The following HNRNPH1 variants were observed in gnomAD, a reference collection of about 807,000 sequenced individuals.
HNRNPH1 encodes the protein heterogeneous nuclear ribonucleoprotein H1.
Under a neutral mutation model 58.6 loss-of-function variants are expected in HNRNPH1, and 4 were observed. That is an observed-to-expected ratio of 0.07 (90% CI 0.03 to 0.16). HNRNPH1 has a LOEUF of 0.16. HNRNPH1 is among the 10% of genes least tolerant of loss of function. HNRNPH1 has a pLI of 1.00. For synonymous variants in HNRNPH1, 192 were observed against 189.2 expected (o/e 1.01, Z -0.12); for missense variants, 271 against 564.2 (o/e 0.48, Z 5.26).
rs1403892046 is a variant in HNRNPH1, at chr5:179,620,887, C to A, written c.397+5G>T. On this transcript the variant is annotated splice_donor_5th_base_variant and intron_variant, in intron 3 of 12. Coordinates refer to ENST00000356731, the Ensembl canonical transcript of HNRNPH1. ...CACTGCTCAGCAACAAACATGACTA[C>A]ATACCTGAGAAGAACTGAACAATTT... 1 of 1,613,952 alleles carries A rather than the reference C, an allele frequency of 6.2e-7. No individual in the cohort carries two copies. Among genetic ancestry groups the A allele is most frequent in the Non-Finnish European group, 8.5e-7 (1 of 1,179,906 alleles).
chr5:179,631,956 A>C (rs1314977898), intron 2 of HNRNPH1, among the ~76,000 whole-genome samples: 1 of 152,082 alleles, frequency 6.6e-6, no homozygotes, highest in Non-Finnish European at 1.5e-5. Flanking sequence ...GATAAACAGC[A>C]TCGGCCGCCT....
intron 1 of HNRNPH1, chr5:179,621,631 A>C: frequency 1.8e-6 from 1 of 541,970 alleles, no homozygotes; most frequent in Non-Finnish European, 3.3e-6. Flanking sequence ...GCAGTTTCAG[A>C]ATGAATTTAT....
chr5:179,615,184 G>A (rs1482184274), intron 12 of HNRNPH1: 7 of 457,100 alleles, frequency 1.5e-5, no homozygotes, highest in Middle Eastern at 1.1e-3. Context: ...CCATTTTAAC[G>A]GATTCTTCAG....
intron 12 of HNRNPH1, chr5:179,615,202 A>G: frequency 4.5e-6 from 2 of 440,034 alleles, no homozygotes; most frequent in Non-Finnish European, 8.1e-6. Flanking sequence ...CAGGATCAAC[A>G]TGAAAAATTA....
In HNRNPH1 at chr5:179,618,079, T is replaced by A. The variant is rs566057819; in HGVS notation, c.716-19A>T. On this transcript the variant is annotated intron_variant, in intron 5 of 12. Transcript: ENST00000356731. The stretch of plus-strand genomic sequence containing the variant: ...CCATAGCCTGAAAGACAAAGTACAA[T>A]CAATCAAATAAAACACCTAGACAAA... 1.5e-5 allele frequency: 24 copies of A among 1,613,036 alleles called. No homozygotes were observed. Among genetic ancestry groups the A allele is most frequent in the Non-Finnish European group, 2.0e-5 (23 of 1,179,282 alleles).
At chr5:179,632,398 G>A (rs1356884176) in intron 2 of HNRNPH1, among the ~76,000 whole-genome samples, 1 of 152,240 alleles carries the variant, frequency 6.6e-6, no homozygotes, top group African/African-American at 2.4e-5. Flanking sequence ...CAGGCAGCAC[G>A]GTCCGCCCTT....
At chr5:179,618,642 T>TA (rs1344034086) in intron 4 of HNRNPH1, 1 of 209,942 alleles carries the variant, frequency 4.8e-6, no homozygotes, top group African/African-American at 2.3e-5. Flanking sequence ...TTTCAAGTCT[T>TA]AAATCCATTG....
At chr5:179,628,120 G>A (rs1774537438), upstream of HNRNPH1, among the ~76,000 whole-genome samples, 1 of 151,880 alleles carries the variant, frequency 6.6e-6, no homozygotes, top group South Asian at 2.1e-4. Flanking sequence ...ACTGCACCCG[G>A]CCTATGATTG....
At position 179,615,604 on chromosome 5, in the gene HNRNPH1, G is replaced by A. The variant is rs1769136852; in HGVS notation, c.1301-9C>T. 2.0e-6 allele frequency: 3 copies of A among 1,499,998 alleles called. No individual in the cohort carries two copies. The highest frequency in any genetic ancestry group is 1.1e-5 in the South Asian group (1 of 87,084). 92.9% of individuals were successfully genotyped at this position (1,499,998 alleles called of 1,614,324 possible). On this transcript the variant is annotated splice_polypyrimidine_tract_variant and intron_variant, in intron 11 of 12. Coordinates refer to ENST00000356731, the Ensembl canonical transcript of HNRNPH1. ...TTCCTGTAAAACTTGGTCTGCAAAA[G>A]GATTTTGTAGGGTAAGACTATAATA...
chr5:179,632,833 C>T (rs1774961249), intron 2 of HNRNPH1, among the ~76,000 whole-genome samples: 1 of 138,724 alleles, frequency 7.2e-6, no homozygotes, highest in Non-Finnish European at 1.5e-5. Context: ...GGGATTACAG[C>T]CCCACCAAGC....
In HNRNPH1 at chr5:179,616,118, G is replaced by C; in HGVS notation, c.1300+8C>G. On this transcript the variant is annotated splice_region_variant and intron_variant, in intron 11 of 12. Transcript: ENST00000356731. ...CTTACTCTAAGTACAGTAACAAACA[G>C]GCTTTACCGTATCCACTCATGCTGC... 1.2e-6 allele frequency: 2 copies of C among 1,605,396 alleles called. No individual in the cohort carries two copies. The highest frequency in any genetic ancestry group is 1.7e-6 in the Non-Finnish European group (2 of 1,172,044).
upstream of HNRNPH1, among the ~76,000 whole-genome samples, chr5:179,626,779 T>C (rs977636788): frequency 1.3e-4 from 19 of 148,648 alleles, no homozygotes; most frequent in Admixed American, 9.3e-4. Context: ...TATACTTCTT[T>C]TTTTTTTTTT....
chr5:179,621,551 A>G, intron 1 of HNRNPH1, 154 bp from the exon 3 acceptor site: 1 of 616,018 alleles, frequency 1.6e-6, no homozygotes, highest in Non-Finnish European at 2.8e-6. Context: ...CTAAAACTCC[A>G]ATTAAAAAAA....
At chr5:179,622,095 A>T in intron 1 of HNRNPH1, 1 of 419,528 alleles carries the variant, frequency 2.4e-6, no homozygotes, top group Non-Finnish European at 4.7e-6. Flanking sequence ...GAACAAGGAC[A>T]TTCTGATAGA....
chr5:179,621,042 G>A lies in HNRNPH1; in HGVS notation c.254-7C>T, dbSNP rs779008575. On this transcript the variant is annotated splice_polypyrimidine_tract_variant and splice_region_variant and intron_variant, in intron 2 of 12. Coordinates refer to ENST00000356731, the Ensembl canonical transcript of HNRNPH1. ...ACGTTGTTTGACTTGAATACTGAAA[G>A]AGGTGCTTAGAATTAGTCACTTTTG... 5.6e-6 allele frequency: 9 copies of A among 1,613,046 alleles called. No homozygotes were observed. The highest frequency in any genetic ancestry group is 1.1e-5 in the South Asian group (1 of 90,934).
At chr5:179,617,149 T>C in intron 8 of HNRNPH1, 39 bp from the exon 10 acceptor site, 2 of 1,582,554 alleles carry the variant, frequency 1.3e-6, no homozygotes, top group Non-Finnish European at 1.7e-6. Flanking sequence ...TGTTTGTTGG[T>C]GAAACAAAAC....
At chr5:179,622,745 TGGTGTTCAAAGATA>T (rs1773136565) in intron 1 of HNRNPH1, 1 of 152,272 alleles carries the variant, frequency 6.6e-6, no homozygotes, top group Non-Finnish European at 1.5e-5. Context: ...AAAGAAAAGC[TGGTGTTCAAAGATA>T]GGTAAAGAAA....
chr5:179,618,429 A>G, intron 4 of HNRNPH1, 106 bp from the exon 6 acceptor site: 1 of 719,406 alleles, frequency 1.4e-6, no homozygotes, highest in Non-Finnish European at 2.2e-6. Context: ...ATAGCCATGA[A>G]ACTGACTAAT....
At position 179,615,605 on chromosome 5, in the gene HNRNPH1, G is replaced by T; in HGVS notation, c.1301-10C>A. 1 of 1,499,556 alleles carries T rather than the reference G, an allele frequency of 6.7e-7. No homozygotes were observed. Among genetic ancestry groups the T allele is most frequent in the South Asian group, 1.1e-5 (1 of 87,012 alleles). 92.9% of individuals were successfully genotyped at this position (1,499,556 alleles called of 1,614,324 possible). ...TCCTGTAAAACTTGGTCTGCAAAAG[G>T]ATTTTGTAGGGTAAGACTATAATAC... On this transcript the variant is annotated splice_polypyrimidine_tract_variant and intron_variant, in intron 11 of 12. Transcript: ENST00000356731.
Sources: gnomAD v4.1 joint callset for allele counts (sites outside exome capture counted in the v4.1 genomes callset) on GRCh38, gnomAD v4.1.1 for gene constraint, MANE v1.5 for transcripts, NCBI Gene and HGNC (gene_info 2026-07-23, HGNC 2026-07-21) for gene names.